Variants in SPATC1L observed in about 807,000 individuals in gnomAD.
The protein encoded by SPATC1L is spermatogenesis and centriole associated 1 like.
In SPATC1L, 20 loss-of-function variants were observed where a neutral mutation model predicts 21.2. The ratio of observed to expected loss-of-function variants is 0.94; its 90% CI spans 0.66 to 1.37. The LOEUF is 1.37. SPATC1L is among the 40% of genes most tolerant of loss of function. The pLI is 0.00. For synonymous variants in SPATC1L, 290 were observed against 234.5 expected (o/e 1.24, Z -2.16); for missense variants, 499 against 478.7 (o/e 1.04, Z -0.40).
intron 1 of SPATC1L, among the ~76,000 whole-genome samples, chr21:46,183,978 G>GAGACCAGCCTAGGGTGGGA (rs2079703921): frequency 1.3e-5 from 2 of 152,028 alleles, no homozygotes; most frequent in Non-Finnish European, 2.9e-5. Context: ...TCTTGCGGGG[G>GAGACCAGCCTAGGGTGGGA]AGACCAGCCT....
intron 3 of SPATC1L, among the ~76,000 whole-genome samples, chr21:46,166,861 A>T (rs1276695168): frequency 3.3e-5 from 5 of 152,210 alleles, no homozygotes; most frequent in Non-Finnish European, 5.9e-5. Flanking sequence ...TCACCCTTGG[A>T]CAGATCTTTA....
intron 2 of SPATC1L, among the ~76,000 whole-genome samples, chr21:46,177,577 TG>T (rs1951318684): frequency 6.6e-6 from 1 of 152,202 alleles, no homozygotes; most frequent in Admixed American, 6.5e-5. Flanking sequence ...CCAGTCAGAA[TG>T]GCTATAATTA....
chr21:46,165,212 C>T (rs944858702), intron 3 of SPATC1L, among the ~76,000 whole-genome samples: 34 of 152,292 alleles, frequency 2.2e-4, no homozygotes, highest in African/African-American at 7.9e-4. Flanking sequence ...TCTGAATAGC[C>T]TTATATCTGA....
chr21:46,163,652 G>C (rs2079519228), intron 3 of SPATC1L, among the ~76,000 whole-genome samples: 1 of 152,154 alleles, frequency 6.6e-6, no homozygotes, highest in Non-Finnish European at 1.5e-5. Context: ...AACCATCTAT[G>C]TACAGTTTTA....
At chr21:46,165,133 C>A (rs1442250721) in intron 3 of SPATC1L, among the ~76,000 whole-genome samples, 3 of 152,158 alleles carry the variant, frequency 2.0e-5, no homozygotes, top group Non-Finnish European at 2.9e-5. Context: ...AATTTGACAA[C>A]CTAGATGAAA....
At position 46,161,602 on chromosome 21, in the gene SPATC1L, C is replaced by T. The variant is rs771912625; in HGVS notation, c.800G>A (p.Ser267Asn). The stretch of plus-strand genomic sequence containing the variant: ...GCTGAACGCCGGGTGCACGTCGCGG[C>T]TGTAGCCCAGCTTCTCCAGGCGCGC... ...LSARLEKLGYSRDVHPAFSEF... is the reference protein window; with the variant it reads ...LSARLEKLGYNRDVHPAFSEF... The change falls in exon 5 of 5, where the codon AGC becomes AAC. Residue 267 changes from serine to asparagine, a missense_variant. Coordinates refer to ENST00000291672, the MANE Select transcript of SPATC1L (RefSeq NM_001142854.2). 5.0e-6 allele frequency: 8 copies of T among 1,610,442 alleles called. No homozygotes were observed. The highest frequency in any genetic ancestry group is 4.2e-6 in the Non-Finnish European group (5 of 1,179,024).
rs748459519 is a variant in SPATC1L at position 46,161,713 on chromosome 21, C to T, written c.697-8G>A. The T allele has an allele frequency of 1.5e-5, 23 of 1,577,820 alleles. No homozygotes were observed. The highest frequency in any genetic ancestry group is 1.8e-5 in the Non-Finnish European group (21 of 1,161,068). On this transcript the variant is annotated splice_polypyrimidine_tract_variant and splice_region_variant and intron_variant, in intron 4 of 4. Transcript: ENST00000291672. ...CAGAGACTTGGTGGAGGTCTGCGGG[C>T]GCAGCGCATGGATGGGGGTGGGGGG...
At chr21:46,162,121 C>T in intron 3 of SPATC1L, 54 bp from the exon 4 acceptor site, 3 of 1,492,634 alleles carry the variant, frequency 2.0e-6, no homozygotes, top group East Asian at 2.5e-5. Flanking sequence ...ATCCACTGCC[C>T]TCGAGGGTGC....
chr21:46,163,909 G>A (rs2079520936), intron 3 of SPATC1L, among the ~76,000 whole-genome samples: 1 of 152,198 alleles, frequency 6.6e-6, no homozygotes, highest in South Asian at 2.1e-4. Context: ...TGAATCTGCA[G>A]ATCCAATGTA....
In SPATC1L at chr21:46,161,433, G is replaced by GAGC. The variant is rs756781686; in HGVS notation, c.966_968dup (p.Leu323dup). The GAGC allele has an allele frequency of 9.5e-6, 15 of 1,575,676 alleles. No homozygotes were observed. Among genetic ancestry groups the GAGC allele is most frequent in the Admixed American group, 5.1e-5 (3 of 58,798 alleles). On this transcript the variant is annotated inframe_insertion, in exon 5 of 5. Transcript: ENST00000291672. ...CCTTGGAGAGCTCGCACAGGCAGTT[G>GAGC]AGCAGCAGCAGCGAGTCGCCCAGGA...
rs977990978 is a variant in SPATC1L at position 46,161,534 on chromosome 21, C to T, written c.868G>A (p.Asp290Asn). The change falls in exon 5 of 5, where the codon GAC becomes AAC. Residue 290 changes from aspartate (D) to asparagine (N), a missense_variant. Coordinates refer to ENST00000291672, the MANE Select transcript of SPATC1L (RefSeq NM_001142854.2). ...CTGTGCAGGGGGTTGGCGCGCAGGTCGGGCCGCTGCTTCAGGATTCCGTAG... is the reference window on the plus strand; with the variant it reads ...CTGTGCAGGGGGTTGGCGCGCAGGTTGGGCCGCTGCTTCAGGATTCCGTAG... ...NTYGILKQRP[D>N]LRANPLHSSP... is the part of the protein sequence containing the mutation. 8 of 1,610,228 alleles carry T rather than the reference C, an allele frequency of 5.0e-6. No individual in the cohort carries two copies. In the African/African-American group the frequency reaches 9.3e-5, roughly 19 times the overall value.
chr21:46,173,549 G>C (rs79914325), intron 2 of SPATC1L, among the ~76,000 whole-genome samples: 6,553 of 152,064 alleles, frequency 0.043, 189 homozygotes, highest in Middle Eastern at 0.11. Context: ...GGCAGACACA[G>C]AGCCAGCAAG....
chr21:46,162,213 A>G, intron 3 of SPATC1L, 146 bp from the exon 4 acceptor site: 1 of 983,050 alleles, frequency 1.0e-6, no homozygotes, highest in Non-Finnish European at 1.5e-6. Flanking sequence ...ATAGAATCTG[A>G]AAGAAAAGGA....
At chr21:46,168,732 G>A (rs11909543) in intron 2 of SPATC1L, 74 bp from the exon 3 acceptor site, 92,130 of 1,073,494 alleles carry the variant, frequency 0.086, 4,308 homozygotes, top group African/African-American at 0.12. Context: ...TAAAGAACAT[G>A]TTAACAACCC....
At position 46,161,597 on chromosome 21, in the gene SPATC1L, C is replaced by G; in HGVS notation, c.805G>C (p.Asp269His). The stretch of plus-strand genomic sequence containing the variant: ...AACTCGCTGAACGCCGGGTGCACGT[C>G]GCGGCTGTAGCCCAGCTTCTCCAGG... ...ARLEKLGYSRDVHPAFSEFLI... is the reference protein window; with the variant it reads ...ARLEKLGYSRHVHPAFSEFLI... Residue 269 changes from aspartate (D) to histidine (H), a missense_variant, in exon 5 of 5, where the codon GAC becomes CAC. Asp to His is a moderately conservative substitution (Grantham distance 81). Transcript: ENST00000291672. 1 of 1,610,228 alleles carries G rather than the reference C, an allele frequency of 6.2e-7. No individual in the cohort carries two copies. Among genetic ancestry groups the G allele is most frequent in the South Asian group, 1.1e-5 (1 of 90,758 alleles).
At position 46,184,141 on chromosome 21, in the gene SPATC1L, G is replaced by A. The variant is rs1489296475; in HGVS notation, c.-959+215C>T. Among the ~76,000 whole-genome samples, 3 of 152,164 alleles carry A rather than the reference G, an allele frequency of 2.0e-5. No individual in the cohort carries two copies. The East Asian group carries it at 5.8e-4, about 29-fold the overall frequency. The stretch of plus-strand genomic sequence containing the variant: ...TGCATGTCCACCCCTCAGACCACGA[G>A]CGCCCGTGTCTAAGACACCAATTGT... On this transcript the variant is annotated intron_variant, in intron 1 of 4. Coordinates refer to ENST00000291672, the MANE Select transcript of SPATC1L (RefSeq NM_001142854.2).
Position 46,182,890 on chromosome 21 carries a change from C to T in SPATC1L, c.-74G>A, listed in dbSNP as rs2079687360. On this transcript the variant is annotated 5_prime_UTR_variant, in exon 2 of 5. In the 5' UTR this introduces an upstream ATG that the reference lacks. Coordinates refer to ENST00000291672, the MANE Select transcript of SPATC1L (RefSeq NM_001142854.2). ...GGTGGGAGCCCAGAGCCCGCAGGCA[C>T]CACAGAAACAGCCCAGGCACGGAGT... The T allele has an allele frequency of 1.4e-6, 2 of 1,400,692 alleles. No individual in the cohort carries two copies. Among genetic ancestry groups the T allele is most frequent in the East Asian group, 2.6e-5 (1 of 38,424 alleles). The allele number at this position is 1,400,692 out of a possible 1,614,324, so 86.8% of individuals were successfully genotyped here.
Position 46,161,381 on chromosome 21 carries a change from A to T in SPATC1L, c.1021T>A (p.Ter341ArgextTer11), listed in dbSNP as rs750857637. 3 of 1,511,908 alleles carry T rather than the reference A, an allele frequency of 2.0e-6. No individual in the cohort carries two copies. The South Asian group carries it at 3.8e-5, about 19-fold the overall frequency. 93.7% of individuals were successfully genotyped at this position (1,511,908 alleles called of 1,614,324 possible). Residue 341 changes from the stop codon to arginine, a stop_lost, in exon 5 of 5, where the codon TGA becomes AGA. Transcript: ENST00000291672. Reference protein sequence around the residue: ...KEDGKPLFAW* With the variant: ...KEDGKPLFAWR ...CAAGGCGGCGGGCGCGGGGCGGCTC[A>T]CCAGGCGAAGAGGGGCTTGCCGTCC...
rs559316634 is a variant in SPATC1L at position 46,164,716 on chromosome 21, C to T, written c.545-2649G>A. ...CTGAGGCAGGAGAATGGCTTGAACCCGGGAGGTGGATGTTGCAGTGAGCCG... is the reference window on the plus strand; with the variant it reads ...CTGAGGCAGGAGAATGGCTTGAACCTGGGAGGTGGATGTTGCAGTGAGCCG... On this transcript the variant is annotated intron_variant, in intron 3 of 4. Coordinates refer to ENST00000291672, the MANE Select transcript of SPATC1L (RefSeq NM_001142854.2). Among the ~76,000 whole-genome samples, 18 of 148,978 alleles carry T rather than the reference C, an allele frequency of 1.2e-4. No homozygotes were observed. The East Asian group carries it at 1.4e-3, about 11-fold the overall frequency.
Sources: gnomAD v4.1 joint callset for allele counts (sites outside exome capture counted in the v4.1 genomes callset) on GRCh38, gnomAD v4.1.1 for gene constraint, MANE v1.5 for transcripts, NCBI Gene and HGNC (gene_info 2026-07-23, HGNC 2026-07-21) for gene names.